Variants in CEP162 observed in about 807,000 individuals in gnomAD.
The protein encoded by CEP162 is centrosomal protein 162, also known as centrosomal protein of 162 kDa.
In CEP162, 141 loss-of-function variants were observed where a neutral mutation model predicts 169.2. That is an observed-to-expected ratio of 0.83 (90% confidence interval 0.73 to 0.96). The LOEUF (loss-of-function observed/expected upper bound fraction) is 0.96. Ranked by LOEUF, CEP162 falls within the 40% of genes least tolerant of loss-of-function variation. The probability of loss-of-function intolerance (pLI) is 0.00; values close to 1 mark genes in which losing one functional copy is unlikely to be tolerated. For synonymous variants in CEP162, 540 were observed against 526.4 expected (o/e 1.03, Z -0.35); for missense variants, 1,600 against 1,587.2 (o/e 1.01, Z -0.14).
intron 6 of CEP162, among the ~76,000 whole-genome samples, chr6:84,210,678 T>C (rs2099549095): frequency 1.3e-5 from 2 of 152,218 alleles, no homozygotes; most frequent in East Asian, 1.9e-4. Flanking sequence ...CTTGAGTCTT[T>C]GCTGAATACT....
At chr6:84,165,367 C>T (rs1056806972) in intron 18 of CEP162, among the ~76,000 whole-genome samples, 1 of 152,012 alleles carries the variant, frequency 6.6e-6, no homozygotes, top group African/African-American at 2.4e-5. Context: ...ACATTCTATA[C>T]TACTCTCAGA....
chr6:84,209,328 C>T (rs1240808231), intron 6 of CEP162, among the ~76,000 whole-genome samples: 2 of 151,448 alleles, frequency 1.3e-5, no homozygotes, highest in African/African-American at 4.9e-5. Context: ...TAAGTGTTAG[C>T]TATAATGTTT....
At chr6:84,176,435 G>T (rs972166965) in intron 13 of CEP162, among the ~76,000 whole-genome samples, 2 of 152,148 alleles carry the variant, frequency 1.3e-5, no homozygotes, top group Non-Finnish European at 2.9e-5. Context: ...TTAAGTCATT[G>T]TAAGAGCAGG....
intron 10 of CEP162, among the ~76,000 whole-genome samples, 188 bp downstream of exon 10, chr6:84,194,696 C>A (rs2099541397): frequency 6.6e-6 from 1 of 152,120 alleles, no homozygotes; most frequent in Admixed American, 6.5e-5. Flanking sequence ...TCGTGATCCA[C>A]CCACCTCGGC....
At position 84,125,231 on chromosome 6, in the gene CEP162, CTTT is replaced by C. The variant is rs2099508440; in HGVS notation, c.4048_4050del (p.Lys1350del). 2 of 1,613,480 alleles carry C rather than the reference CTTT, an allele frequency of 1.2e-6. No homozygotes were observed. Among genetic ancestry groups the C allele is most frequent in the East Asian group, 4.5e-5 (2 of 44,864 alleles). ...GCCAGTCTTTTCCATTTTTCAACTT[CTTT>C]GTTTTGCTCAGTTTCTACTACTTGG... On this transcript the variant is annotated inframe_deletion, in exon 27 of 27. Coordinates refer to ENST00000403245, the MANE Select transcript of CEP162 (RefSeq NM_014895.4).
At chr6:84,206,398 C>T (rs982426960) in intron 6 of CEP162, among the ~76,000 whole-genome samples, 1 of 151,952 alleles carries the variant, frequency 6.6e-6, no homozygotes, top group Non-Finnish European at 1.5e-5. Flanking sequence ...CAGAACAGAG[C>T]CCTCAGAAAT....
At chr6:84,144,189 T>C (rs2099517869) in intron 25 of CEP162, among the ~76,000 whole-genome samples, 1 of 152,034 alleles carries the variant, frequency 6.6e-6, no homozygotes, top group African/African-American at 2.4e-5. Context: ...AATAGAGATG[T>C]CAAAGTAATT....
chr6:84,176,681 G>A (rs2099532545), intron 13 of CEP162, among the ~76,000 whole-genome samples: 1 of 152,120 alleles, frequency 6.6e-6, no homozygotes, highest in Admixed American at 6.6e-5. Context: ...TGCTAAACTG[G>A]TAAATATAAT....
intron 18 of CEP162, among the ~76,000 whole-genome samples, chr6:84,165,951 C>T (rs762185614): frequency 9.9e-5 from 15 of 152,130 alleles, no homozygotes; most frequent in Non-Finnish European, 2.2e-4. Context: ...TCTGCAAAAA[C>T]CTGTTGCTTA....
chr6:84,191,675 T>A (rs1275270797), intron 11 of CEP162, among the ~76,000 whole-genome samples: 1 of 152,206 alleles, frequency 6.6e-6, no homozygotes, highest in African/African-American at 2.4e-5. Context: ...CTGGAAATCC[T>A]GGCCTTTCAG....
chr6:84,144,207 T>C (rs1245000219), intron 25 of CEP162, among the ~76,000 whole-genome samples: 1 of 152,032 alleles, frequency 6.6e-6, no homozygotes, highest in Non-Finnish European at 1.5e-5. Flanking sequence ...ATTAGGCTTA[T>C]TTGACGTGAT....
rs2099514632 is a variant in CEP162, at chr6:84,137,391, A to G, written c.3870+9296T>C. On this transcript the variant is annotated intron_variant, in intron 25 of 26. Transcript: ENST00000403245. ...TGATCATTCCACTATCTGTTCATAA[A>G]ACAACAGCAGCTAGCTGTAGAATAT... 2.0e-5 allele frequency among the ~76,000 whole-genome samples: 3 copies of G among 152,198 alleles called. No individual in the cohort carries two copies. The South Asian group carries it at 6.2e-4, about 31-fold the overall frequency.
At chr6:84,223,025 C>T (rs1030569391) in intron 2 of CEP162, among the ~76,000 whole-genome samples, 2 of 152,120 alleles carry the variant, frequency 1.3e-5, no homozygotes, top group African/African-American at 4.8e-5. Flanking sequence ...CTCTTTCCTC[C>T]CATTTTTTCA....
At position 84,222,766 on chromosome 6, in the gene CEP162, G is replaced by A. The variant is rs189415039; in HGVS notation, c.58-1595C>T. Among the ~76,000 whole-genome samples the A allele has an allele frequency of 8.4e-3, 1,254 of 149,888 alleles. 30 individuals are homozygous for A. Among genetic ancestry groups the A allele is most frequent in the African/African-American group, 0.03 (1,166 of 39,290 alleles). On this transcript the variant is annotated intron_variant, in intron 2 of 26. Transcript: ENST00000403245. ...ACTTCTAAAATGACAGGGCGCACAC[G>A]CGCGTGCACACACACACACACACAC...
In CEP162 at chr6:84,171,094, G is replaced by A. The variant is rs148464873; in HGVS notation, c.2279+512C>T. Among the ~76,000 whole-genome samples, 691 of 152,180 alleles carry A rather than the reference G, an allele frequency of 4.5e-3. 8 individuals carry two copies. Among genetic ancestry groups the A allele is most frequent in the African/African-American group, 0.016 (659 of 41,516 alleles). On this transcript the variant is annotated intron_variant, in intron 17 of 26. Coordinates refer to ENST00000403245, the MANE Select transcript of CEP162 (RefSeq NM_014895.4). ...CAGTCTCCAGCTGAGACCACTATTT[G>A]CCCTCCCCCTACCTCACCGTTCCTG...
In CEP162 at chr6:84,185,215, A is replaced by T. The variant is rs776690068; in HGVS notation, c.1635T>A (p.Ile545=). ...TTTTCCTAGGTTGATTGGAGGTAGA[A>T]ATCGATCTCAAGTTTTTGCTTTTTA... ...DIIKSKNLRS[I]STSNQPRKKE... is the part of the protein sequence containing the mutation. Residue 545 remains isoleucine (I), a synonymous_variant, in exon 13 of 27, where the codon ATT becomes ATA. Transcript: ENST00000403245. The T allele has an allele frequency of 1.9e-5, 31 of 1,612,312 alleles. No individual in the cohort carries two copies. The highest frequency in any genetic ancestry group is 2.6e-5 in the Non-Finnish European group (31 of 1,178,552).
At chr6:84,126,634 G>C (rs866454646) in intron 25 of CEP162, 122 bp from the exon 26 acceptor site, 3 of 624,190 alleles carry the variant, frequency 4.8e-6, no homozygotes, top group Admixed American at 7.1e-5. Context: ...TGGATTGTTA[G>C]AGTAATTAAT....
chr6:84,127,385 C>A (rs2099509368), intron 25 of CEP162, among the ~76,000 whole-genome samples: 1 of 151,950 alleles, frequency 6.6e-6, no homozygotes, highest in African/African-American at 2.4e-5. Flanking sequence ...AAGATACAAG[C>A]AAATTAAATC....
intron 16 of CEP162, among the ~76,000 whole-genome samples, chr6:84,172,909 T>A (rs6939593): frequency 0.24 from 36,241 of 152,078 alleles, 9,824 homozygotes; most frequent in African/African-American, 0.67. Flanking sequence ...CTTATGTTGA[T>A]TTGAAGATAA....
Sources: allele counts gnomAD v4.1 joint callset (sites outside exome capture counted in the v4.1 genomes callset), GRCh38; gene constraint gnomAD v4.1.1; transcripts MANE v1.5; gene names NCBI Gene and HGNC (gene_info 2026-07-23, HGNC 2026-07-21).